Variants in RIT2 observed in about 807,000 individuals in gnomAD.
RIT2 encodes the protein GTP-binding protein Rit2.
RIT2 carries 24 observed loss-of-function variants against 23.7 expected under a neutral mutation model. That is an observed-to-expected ratio of 1.01 (90% CI 0.73 to 1.43). The LOEUF is 1.43. Ranked by LOEUF, RIT2 falls within the 40% of genes most tolerant of loss-of-function variation. The pLI, the probability that RIT2 is intolerant of heterozygous loss-of-function variation, is 0.00. For synonymous variants in RIT2, 107 were observed against 91.1 expected, an observed-to-expected ratio of 1.17 and a Z score of -0.99; for missense variants, 236 against 266.9, an observed-to-expected ratio of 0.88 and a Z score of 0.81.
chr18:42,930,404 A>G (rs893092234), intron 3 of RIT2, among the ~76,000 whole-genome samples: 1 of 152,154 alleles, frequency 6.6e-6, no homozygotes, highest in African/African-American at 2.4e-5. Context: ...GAATTATGAA[A>G]AAAGGACATG....
intron 2 of RIT2, among the ~76,000 whole-genome samples, chr18:42,994,662 C>T (rs182646538): frequency 5.9e-4 from 90 of 152,192 alleles, no homozygotes; most frequent in Non-Finnish European, 1.1e-3. Flanking sequence ...ACACAAGGAC[C>T]GGGATCGCGT....
intron 4 of RIT2, among the ~76,000 whole-genome samples, chr18:42,814,407 G>T (rs929729723): frequency 6.6e-6 from 1 of 152,148 alleles, no homozygotes; most frequent in Non-Finnish European, 1.5e-5. Flanking sequence ...ACAGCCCTTT[G>T]GATTGTGTGG....
intron 4 of RIT2, among the ~76,000 whole-genome samples, chr18:42,863,568 C>CAATTA (rs1907387086): frequency 6.6e-6 from 1 of 152,098 alleles, no homozygotes; most frequent in Non-Finnish European, 1.5e-5. Context: ...TGTTATTGAA[C>CAATTA]CTCTTATAAG....
intron 2 of RIT2, among the ~76,000 whole-genome samples, chr18:43,023,296 C>T (rs1305888636): frequency 6.6e-6 from 1 of 151,942 alleles, no homozygotes; most frequent in East Asian, 1.9e-4. Flanking sequence ...TGAGTAATTC[C>T]AGTTGCAGTG....
At chr18:42,767,237 C>A (rs1913445604) in intron 4 of RIT2, among the ~76,000 whole-genome samples, 1 of 152,210 alleles carries the variant, frequency 6.6e-6, no homozygotes, top group Non-Finnish European at 1.5e-5. Context: ...ATGAAAGAAG[C>A]TGGGTGGGAG....
intron 4 of RIT2, among the ~76,000 whole-genome samples, chr18:42,842,677 A>G (rs996000970): frequency 1.3e-5 from 2 of 152,114 alleles, no homozygotes; most frequent in Non-Finnish European, 2.9e-5. Context: ...GAAATTCAAA[A>G]TGCTCCAAAA....
At chr18:42,911,006 T>G (rs1480913366) in intron 4 of RIT2, among the ~76,000 whole-genome samples, 2 of 152,026 alleles carry the variant, frequency 1.3e-5, no homozygotes, top group Non-Finnish European at 2.9e-5. Flanking sequence ...CAAGCTTACA[T>G]GGAACATTCA....
At chr18:42,995,124 C>T (rs1910949636) in intron 2 of RIT2, among the ~76,000 whole-genome samples, 1 of 152,156 alleles carries the variant, frequency 6.6e-6, no homozygotes. Context: ...AATCACCACA[C>T]ACCAGCAAAG....
At chr18:43,006,268 G>C (rs1311675409) in intron 2 of RIT2, among the ~76,000 whole-genome samples, 1 of 151,318 alleles carries the variant, frequency 6.6e-6, no homozygotes, top group African/African-American at 2.4e-5. Context: ...AAAAGTTAAA[G>C]CCATCTTTTG....
intron 4 of RIT2, among the ~76,000 whole-genome samples, chr18:42,833,431 G>A (rs1906515145): frequency 6.6e-6 from 1 of 152,104 alleles, no homozygotes; most frequent in Non-Finnish European, 1.5e-5. Flanking sequence ...GTTGTGAATA[G>A]TCTTCCAATA....
At chr18:42,780,577 A>T (rs1330038433) in intron 4 of RIT2, among the ~76,000 whole-genome samples, 2 of 152,188 alleles carry the variant, frequency 1.3e-5, no homozygotes, top group Non-Finnish European at 2.9e-5. Flanking sequence ...TATGTCAAAG[A>T]AACATATTTT....
Position 42,887,676 on chromosome 18 carries a change from A to T in RIT2, c.426+35896T>A, listed in dbSNP as rs563474216. On this transcript the variant is annotated intron_variant, in intron 4 of 4. Transcript: ENST00000326695. ...AGCTTGTTGGTATTTACTCAGATGA[A>T]TTGCAAATTTATTTCCACACAAAGA... is the stretch of plus-strand genomic sequence containing the variant. Among the ~76,000 whole-genome samples, 39 of 152,232 alleles carry T rather than the reference A, an allele frequency of 2.6e-4. No homozygotes were observed. In the South Asian group the frequency reaches 7.7e-3, roughly 30 times the overall value.
intron 2 of RIT2, among the ~76,000 whole-genome samples, chr18:43,016,390 G>A (rs1020605616): frequency 2.6e-5 from 4 of 151,610 alleles, no homozygotes; most frequent in Non-Finnish European, 5.9e-5. Flanking sequence ...AATAAATATG[G>A]CTGGCATTAT....
intron 1 of RIT2, among the ~76,000 whole-genome samples, chr18:43,052,777 T>C (rs1912412941): frequency 6.6e-6 from 1 of 152,086 alleles, no homozygotes; most frequent in Non-Finnish European, 1.5e-5. Context: ...AAGCACTAAT[T>C]ATCTGCCTTC....
rs79322282 is a variant in RIT2 at position 42,953,675 on chromosome 18, T to C, written c.234+20399A>G. ...TTGTTATCCTCATAAACAACACTGT[T>C]AAAGCTTGGGATATTTCCCACAGTT... On this transcript the variant is annotated intron_variant, in intron 3 of 4. Coordinates refer to ENST00000326695, the MANE Select transcript of RIT2 (RefSeq NM_002930.4). Among the ~76,000 whole-genome samples the C allele has an allele frequency of 3.5e-3, 529 of 152,324 alleles. 13 individuals carry two copies. The East Asian group carries it at 0.078, about 22-fold the overall frequency.
chr18:42,890,341 A>G (rs1164913581), intron 4 of RIT2, among the ~76,000 whole-genome samples: 1 of 152,120 alleles, frequency 6.6e-6, no homozygotes, highest in Non-Finnish European at 1.5e-5. Context: ...TCAATGATAT[A>G]CCCAACAATG....
At chr18:42,851,774 C>G (rs1020692762) in intron 4 of RIT2, among the ~76,000 whole-genome samples, 1 of 152,092 alleles carries the variant, frequency 6.6e-6, no homozygotes, top group East Asian at 1.9e-4. Flanking sequence ...TGCTTGAACC[C>G]AGGAGGCGGG....
chr18:42,759,936 C>T (rs1416327207), intron 4 of RIT2, among the ~76,000 whole-genome samples: 3 of 152,040 alleles, frequency 2.0e-5, no homozygotes, highest in Non-Finnish European at 4.4e-5. Flanking sequence ...TGCCACCACG[C>T]ATAGCAAATT....
intron 3 of RIT2, among the ~76,000 whole-genome samples, chr18:42,954,187 G>A (rs550680575): frequency 1.6e-4 from 24 of 152,056 alleles, no homozygotes; most frequent in Non-Finnish European, 2.9e-4. Context: ...AGACCAGCCT[G>A]GCCAACATGG....
Sources: allele counts gnomAD v4.1 joint callset (sites outside exome capture counted in the v4.1 genomes callset), GRCh38; gene constraint gnomAD v4.1.1; transcripts MANE v1.5; gene names NCBI Gene and HGNC (gene_info 2026-07-23, HGNC 2026-07-21).